TOGARAM1: variants seen among roughly 807,000 people sequenced by gnomAD.
TOGARAM1 encodes the protein TOG array regulator of axonemal microtubules 1, also known as TOG array regulator of axonemal microtubules protein 1.
Under a neutral mutation model 166.6 loss-of-function variants are expected in TOGARAM1, and 100 were observed. The observed-to-expected ratio is 0.60, with a 90% CI of 0.51 to 0.71. The LOEUF (loss-of-function observed/expected upper bound fraction) is 0.71, where lower values mean the gene tolerates loss of function less well. Among genes scored for constraint, TOGARAM1 ranks in the 30% least tolerant of loss-of-function variants. The pLI, the probability that TOGARAM1 is intolerant of heterozygous loss-of-function variation, is 0.00. For synonymous variants in TOGARAM1, 758 were observed against 763.8 expected (o/e 0.99, Z 0.13); for missense variants, 2,029 against 2,102.7 (o/e 0.96, Z 0.69).
chr14:44,968,854 T>TA (rs1224832933), intron 1 of TOGARAM1, among the ~76,000 whole-genome samples: 1 of 152,224 alleles, frequency 6.6e-6, no homozygotes, highest in African/African-American at 2.4e-5. Flanking sequence ...TCCACCATTA[T>TA]AGTATCATAA....
intron 1 of TOGARAM1, among the ~76,000 whole-genome samples, chr14:44,993,820 C>T (rs1432919392): frequency 6.6e-6 from 1 of 152,180 alleles, no homozygotes; most frequent in African/African-American, 2.4e-5. Context: ...ACCACCTCCA[C>T]CAGTTGTTGT....
intron 7 of TOGARAM1, among the ~76,000 whole-genome samples, chr14:45,022,141 G>A (rs1242283551): frequency 6.6e-6 from 1 of 151,936 alleles, no homozygotes; most frequent in East Asian, 1.9e-4. Flanking sequence ...ATCTGCGATA[G>A]TCCCTGGGTT....
At chr14:45,067,529 T>C (rs1211257060) in intron 17 of TOGARAM1, among the ~76,000 whole-genome samples, 1 of 152,140 alleles carries the variant, frequency 6.6e-6, no homozygotes, top group African/African-American at 2.4e-5. Flanking sequence ...CAGAATTTAG[T>C]TCAGTTAATT....
At chr14:44,985,691 C>T (rs551304077) in intron 1 of TOGARAM1, among the ~76,000 whole-genome samples, 82 of 152,358 alleles carry the variant, frequency 5.4e-4, no homozygotes, top group African/African-American at 1.9e-3. Flanking sequence ...CGCCGCTCAC[C>T]TCCTGCTGTG....
intron 1 of TOGARAM1, among the ~76,000 whole-genome samples, chr14:44,993,221 C>T (rs199504282): frequency 2.0e-5 from 3 of 151,964 alleles, no homozygotes; most frequent in South Asian, 2.1e-4. Context: ...TGGGGAAGGT[C>T]GGCTGCAGTG....
At position 45,012,043 on chromosome 14, in the gene TOGARAM1, T is replaced by A. The variant is rs1490688921; in HGVS notation, c.3206T>A (p.Ile1069Asn). The change falls in exon 7 of 20, where the codon ATT becomes AAT. Residue 1069 changes from isoleucine to asparagine, a missense_variant. Physicochemically the swap from Ile to Asn is moderately radical, Grantham distance 149. Around this residue, in one of 2 missense-constraint regions of TOGARAM1, gnomAD observed 1,453 missense variants for 1,432.2 expected, o/e 1.01. Transcript: ENST00000361462. Reference sequence around the variant, plus strand: ...AGACTTTCTTCTGCAAAGAAAAAAATTTCTCATATTGCTGAACAAAGCCCC... The same window carrying A: ...AGACTTTCTTCTGCAAAGAAAAAAAATTCTCATATTGCTGAACAAAGCCCC... ...PTRLSSAKKK[I>N]SHIAEQSPSA... 3.1e-6 allele frequency: 5 copies of A among 1,611,276 alleles called. No individual in the cohort carries two copies. The highest frequency in any genetic ancestry group is 1.3e-5 in the African/African-American group (1 of 74,814).
intron 18 of TOGARAM1, among the ~76,000 whole-genome samples, chr14:45,071,506 C>T (rs1883379732): frequency 6.6e-6 from 1 of 152,134 alleles, no homozygotes; most frequent in Non-Finnish European, 1.5e-5. Context: ...CCTCTCACCT[C>T]AGCCTCCCAA....
chr14:45,045,543 G>GTATATATATATA (rs375962126), intron 13 of TOGARAM1, among the ~76,000 whole-genome samples: 2 of 38,918 alleles, frequency 5.1e-5, no homozygotes, highest in African/African-American at 9.2e-5. Context: ...GTCTGTGTGT[G>GTATATATATATA]TATATATATA....
intron 1 of TOGARAM1, among the ~76,000 whole-genome samples, chr14:44,985,480 C>T (rs899283252): frequency 3.3e-5 from 5 of 152,144 alleles, no homozygotes; most frequent in African/African-American, 7.2e-5. Flanking sequence ...TCAGGATGAA[C>T]CTGTTCCACC....
At chr14:45,031,523 C>T (rs1037309447) in intron 10 of TOGARAM1, among the ~76,000 whole-genome samples, 1 of 152,140 alleles carries the variant, frequency 6.6e-6, no homozygotes, top group Admixed American at 6.6e-5. Flanking sequence ...ATACAGATGC[C>T]ATGAACCTTC....
chr14:44,988,334 C>A (rs1288622359), intron 1 of TOGARAM1, among the ~76,000 whole-genome samples: 1 of 152,040 alleles, frequency 6.6e-6, no homozygotes, highest in Non-Finnish European at 1.5e-5. Flanking sequence ...TGTTTATGAG[C>A]CAATTGAAAC....
chr14:44,998,380 T>G (rs909328342), intron 2 of TOGARAM1, among the ~76,000 whole-genome samples: 1 of 152,246 alleles, frequency 6.6e-6, no homozygotes, highest in African/African-American at 2.4e-5. Context: ...GGTATTGAAG[T>G]GGTTTCAGAA....
At chr14:44,996,537 T>C (rs868435379) in intron 2 of TOGARAM1, 8 of 152,236 alleles carry the variant, frequency 5.3e-5, no homozygotes, top group Non-Finnish European at 1.2e-4. Context: ...ACTTTACTTT[T>C]TACTCTGAAT....
intron 1 of TOGARAM1, among the ~76,000 whole-genome samples, chr14:44,982,370 A>G (rs1463676688): frequency 6.6e-6 from 1 of 152,060 alleles, no homozygotes; most frequent in Non-Finnish European, 1.5e-5. Flanking sequence ...CTTTCTATGT[A>G]TTTAGGAGTG....
chr14:45,013,372 C>A (rs1304433507), intron 7 of TOGARAM1, among the ~76,000 whole-genome samples: 1 of 152,120 alleles, frequency 6.6e-6, no homozygotes, highest in African/African-American at 2.4e-5. Context: ...AGATTATTTC[C>A]CACTGATTAC....
chr14:44,962,560 AACT>A lies in TOGARAM1; in HGVS notation c.146_148del (p.Tyr49del). The A allele has an allele frequency of 6.2e-7, 1 of 1,613,956 alleles. No individual in the cohort carries two copies. On this transcript the variant is annotated inframe_deletion, in exon 1 of 20. Coordinates refer to ENST00000361462, the MANE Select transcript of TOGARAM1 (RefSeq NM_001308120.2). ...TGGGGGCATTATGAGAGGAGAGAAA[AACT>A]ACTACTTCCGTGGAGCTGCGGGGGA...
chr14:45,018,375 G>C (rs1416808590), intron 7 of TOGARAM1, among the ~76,000 whole-genome samples: 2 of 152,064 alleles, frequency 1.3e-5, no homozygotes, highest in Non-Finnish European at 2.9e-5. Context: ...TAGTAACTGG[G>C]ATTACAGGTG....
At chr14:44,974,621 A>G (rs1886079520) in intron 1 of TOGARAM1, among the ~76,000 whole-genome samples, 1 of 152,048 alleles carries the variant, frequency 6.6e-6, no homozygotes, top group Non-Finnish European at 1.5e-5. Context: ...GTTTTTTAGT[A>G]ATATACTGTT....
chr14:45,004,473 G>A, intron 4 of TOGARAM1, 107 bp downstream of exon 4: 1 of 791,332 alleles, frequency 1.3e-6, no homozygotes, highest in Non-Finnish European at 2.0e-6. Context: ...CATTTTATCT[G>A]TCTGAATTTA....
Sources: allele counts gnomAD v4.1 joint callset (sites outside exome capture counted in the v4.1 genomes callset), GRCh38; gene constraint gnomAD v4.1.1; regional missense constraint gnomAD v4.1.1; transcripts MANE v1.5; gene names NCBI Gene and HGNC (gene_info 2026-07-23, HGNC 2026-07-21).